Variants in GABRG3 observed in about 807,000 individuals in gnomAD.
The protein encoded by GABRG3 is gamma-aminobutyric acid receptor subunit gamma-3.
In GABRG3, 25 loss-of-function variants were observed where a neutral mutation model predicts 48.8. That is an observed-to-expected ratio of 0.51 (90% CI 0.37 to 0.72). GABRG3 has a LOEUF of 0.72. Ranked by LOEUF, GABRG3 falls within the 30% of genes least tolerant of loss-of-function variation. GABRG3 has a pLI of 0.00. For synonymous variants in GABRG3, 227 were observed against 217.6 expected (o/e 1.04, Z -0.38); for missense variants, 394 against 577.9 (o/e 0.68, Z 3.26).
chr15:27,353,137 C>A (rs1201875955), intron 5 of GABRG3, among the ~76,000 whole-genome samples: 8 of 152,128 alleles, frequency 5.3e-5, no homozygotes, highest in Non-Finnish European at 1.2e-4. Flanking sequence ...TTCCCTCTTG[C>A]CCCTACCTGG....
chr15:27,530,633 C>A, intron 9 of GABRG3: 1 of 471,082 alleles, frequency 2.1e-6, no homozygotes, highest in Non-Finnish European at 4.4e-6. Flanking sequence ...TGCTGCCCTG[C>A]CTGTGGCCTC....
chr15:27,491,589 A>T (rs1040858342), intron 6 of GABRG3, among the ~76,000 whole-genome samples: 1 of 152,208 alleles, frequency 6.6e-6, no homozygotes. Context: ...TGGATTTCAA[A>T]CATCTGCTGA....
At chr15:27,523,837 G>GA (rs988531897) in intron 7 of GABRG3, among the ~76,000 whole-genome samples, 27 of 151,806 alleles carry the variant, frequency 1.8e-4, no homozygotes, top group African/African-American at 6.5e-4. Context: ...GGAATATATT[G>GA]AAAAAAATAA....
intron 3 of GABRG3, among the ~76,000 whole-genome samples, chr15:27,240,974 G>A (rs1890113234): frequency 1.3e-5 from 2 of 152,258 alleles, no homozygotes; most frequent in Non-Finnish European, 2.9e-5. Flanking sequence ...TCTTACTGAA[G>A]TTGAAACAAG....
At chr15:27,036,550 C>G (rs1057303456) in intron 3 of GABRG3, among the ~76,000 whole-genome samples, 1 of 152,078 alleles carries the variant, frequency 6.6e-6, no homozygotes, top group African/African-American at 2.4e-5. Flanking sequence ...ATTAGCTGGG[C>G]TTTGTGGCAT....
chr15:27,425,463 A>T (rs1295429882), intron 5 of GABRG3, among the ~76,000 whole-genome samples: 3 of 138,396 alleles, frequency 2.2e-5, no homozygotes, highest in Admixed American at 7.0e-5. Context: ...AAAAAAAAAA[A>T]AAATAGGCGT....
chr15:27,393,288 G>A (rs1887199719), intron 5 of GABRG3, among the ~76,000 whole-genome samples: 1 of 150,274 alleles, frequency 6.7e-6, no homozygotes, highest in Non-Finnish European at 1.5e-5. Context: ...AGCTTGCAGT[G>A]AGCTGAGATC....
intron 3 of GABRG3, among the ~76,000 whole-genome samples, chr15:27,051,804 A>T (rs1211429420): frequency 6.6e-6 from 1 of 152,220 alleles, no homozygotes; most frequent in East Asian, 1.9e-4. Context: ...ACTCACCATC[A>T]TGTAGAATCA....
intron 3 of GABRG3, among the ~76,000 whole-genome samples, chr15:27,272,724 T>G (rs1379185664): frequency 6.6e-6 from 1 of 152,166 alleles, no homozygotes; most frequent in Non-Finnish European, 1.5e-5. Context: ...GAAGAGTGCT[T>G]CAAAAAGGCA....
intron 3 of GABRG3, among the ~76,000 whole-genome samples, chr15:27,027,525 T>C (rs1896006693): frequency 6.6e-6 from 1 of 152,230 alleles, no homozygotes; most frequent in Non-Finnish European, 1.5e-5. Flanking sequence ...GCCAAAATGC[T>C]GACTTAAATT....
intron 5 of GABRG3, among the ~76,000 whole-genome samples, chr15:27,384,288 G>T (rs1292898040): frequency 1.3e-5 from 2 of 152,106 alleles, no homozygotes; most frequent in Admixed American, 1.3e-4. Context: ...TTGATTAAAT[G>T]CAAATCATTG....
chr15:27,256,172 G>GT (rs1202989138), intron 3 of GABRG3, among the ~76,000 whole-genome samples: 2 of 152,144 alleles, frequency 1.3e-5, no homozygotes, highest in African/African-American at 4.8e-5. Context: ...GCCGGGTGTG[G>GT]TGGCTCATGC....
intron 3 of GABRG3, among the ~76,000 whole-genome samples, chr15:27,115,297 T>A (rs1340303498): frequency 6.6e-6 from 1 of 152,068 alleles, no homozygotes; most frequent in Non-Finnish European, 1.5e-5. Context: ...AAAGGCTCCC[T>A]CCGGGTCCAG....
At chr15:27,390,694 C>T (rs188787605) in intron 5 of GABRG3, among the ~76,000 whole-genome samples, 3 of 152,226 alleles carry the variant, frequency 2.0e-5, no homozygotes, top group Admixed American at 2.0e-4. Flanking sequence ...TTCTAGGTAG[C>T]GCAGGAAAGA....
In GABRG3 at chr15:27,520,042, C is replaced by CA; in HGVS notation, c.784dup (p.Ile262AsnfsTer83). The CA allele has an allele frequency of 6.3e-7, 1 of 1,595,984 alleles. No individual in the cohort carries two copies. Among genetic ancestry groups the CA allele is most frequent in the Non-Finnish European group, 8.6e-7 (1 of 1,169,506 alleles). On this transcript the variant is annotated frameshift_variant, in exon 7 of 10. Coordinates refer to ENST00000615808, the MANE Select transcript of GABRG3 (RefSeq NM_033223.5). LOFTEE classifies it high-confidence loss of function. ...TGGGATACTTCACCATTCAGACATA[C>CA]ATTCCCTGTATACTGACTGTGGTTT...
intron 2 of GABRG3, among the ~76,000 whole-genome samples, chr15:27,012,414 T>G (rs1376818709): frequency 6.6e-6 from 1 of 152,180 alleles, no homozygotes; most frequent in African/African-American, 2.4e-5. Context: ...ATTCTTGGAG[T>G]TTGATGAAGT....
chr15:26,992,888 CT>C (rs901289281), intron 2 of GABRG3, among the ~76,000 whole-genome samples: 1 of 151,956 alleles, frequency 6.6e-6, no homozygotes, highest in Non-Finnish European at 1.5e-5. Context: ...GATCTTATTA[CT>C]TTTTATTGGT....
chr15:27,274,129 A>C (rs1426126830), intron 3 of GABRG3, among the ~76,000 whole-genome samples: 1 of 152,106 alleles, frequency 6.6e-6, no homozygotes, highest in Non-Finnish European at 1.5e-5. Context: ...TTCCAGGAGG[A>C]CACAGCCTTC....
At chr15:26,981,205 T>G (rs1895047123) in intron 2 of GABRG3, among the ~76,000 whole-genome samples, 1 of 152,222 alleles carries the variant, frequency 6.6e-6, no homozygotes, top group African/African-American at 2.4e-5. Context: ...TGTTTTAGGT[T>G]TTGAAATGGA....
Sources: allele counts gnomAD v4.1 joint callset (sites outside exome capture counted in the v4.1 genomes callset), GRCh38; gene constraint gnomAD v4.1.1; transcripts MANE v1.5; gene names NCBI Gene and HGNC (gene_info 2026-07-23, HGNC 2026-07-21).